TRAPPC8: variants seen among roughly 807,000 people sequenced by gnomAD.
TRAPPC8 encodes general sporulation gene 1 homolog.
A neutral mutation model predicts 174.3 loss-of-function variants in TRAPPC8; 54 were observed. That is an observed-to-expected ratio of 0.31 (90% CI 0.25 to 0.39). The LOEUF (loss-of-function observed/expected upper bound fraction) is 0.39, where lower values mean the gene tolerates loss of function less well. Among genes scored for constraint, TRAPPC8 ranks in the 10% least tolerant of loss-of-function variants. TRAPPC8 has a pLI of 1.00. For missense variants in TRAPPC8, 1,531 were observed against 1,699.1 expected, an observed-to-expected ratio of 0.90 and a Z score of 1.74; for synonymous variants, 630 against 579.9, an observed-to-expected ratio of 1.09 and a Z score of -1.24.
chr18:31,893,380 GGTGTGTGT>G (rs10660521), intron 11 of TRAPPC8, among the ~76,000 whole-genome samples: 3 of 149,738 alleles, frequency 2.0e-5, no homozygotes, highest in South Asian at 2.1e-4. Flanking sequence ...TTTGCTTCTA[GGTGTGTGT>G]GTGTGTGTGT....
At chr18:31,923,984 T>TA (rs1208449345) in intron 2 of TRAPPC8, among the ~76,000 whole-genome samples, 1 of 152,046 alleles carries the variant, frequency 6.6e-6, no homozygotes, top group Non-Finnish European at 1.5e-5. Flanking sequence ...CTGCCTCTAC[T>TA]AAAAAAATAC....
At chr18:31,876,837 T>C (rs935405698) in intron 12 of TRAPPC8, among the ~76,000 whole-genome samples, 4 of 152,034 alleles carry the variant, frequency 2.6e-5, no homozygotes, top group African/African-American at 9.7e-5. Context: ...TTTGAGAACG[T>C]CCCAGGGACA....
chr18:31,931,200 A>T (rs1432257442), intron 2 of TRAPPC8, 129 bp downstream of exon 2: 3 of 772,830 alleles, frequency 3.9e-6, no homozygotes, highest in Middle Eastern at 3.4e-4. Context: ...TGTTTTCAAC[A>T]TTGTATTCTC....
At chr18:31,917,846 T>C (rs2037216287) in intron 2 of TRAPPC8, among the ~76,000 whole-genome samples, 179 bp from the exon 3 acceptor site, 1 of 152,154 alleles carries the variant, frequency 6.6e-6, no homozygotes, top group African/African-American at 2.4e-5. Flanking sequence ...GTATAGGGCC[T>C]GGCACGGTGG....
intron 12 of TRAPPC8, among the ~76,000 whole-genome samples, chr18:31,880,081 G>GGA (rs1491132140): frequency 7.8e-4 from 41 of 52,728 alleles, no homozygotes; most frequent in African/African-American, 3.4e-3. Flanking sequence ...TGAAACTATT[G>GGA]AAAAAAAAAA....
At chr18:31,838,289 CTAGAT>C (rs1266383876) in intron 27 of TRAPPC8, among the ~76,000 whole-genome samples, 1 of 152,162 alleles carries the variant, frequency 6.6e-6, no homozygotes, top group Non-Finnish European at 1.5e-5. Flanking sequence ...CTCTTATCTC[CTAGAT>C]TAATTAGCTA....
chr18:31,889,976 A>AT, intron 12 of TRAPPC8, among the ~76,000 whole-genome samples: 1 of 152,334 alleles, frequency 6.6e-6, no homozygotes, highest in Admixed American at 6.5e-5. Context: ...CATACTTAGT[A>AT]AATTCATATT....
chr18:31,909,307 AGCC>A (rs2145489153), intron 6 of TRAPPC8, among the ~76,000 whole-genome samples: 1 of 152,182 alleles, frequency 6.6e-6, no homozygotes, highest in East Asian at 1.9e-4. Flanking sequence ...AGTACAACTA[AGCC>A]GTAAGAAAAA....
intron 3 of TRAPPC8, 105 bp downstream of exon 3, chr18:31,917,469 AATTT>A: frequency 1.1e-6 from 1 of 933,290 alleles, no homozygotes; most frequent in Non-Finnish European, 1.6e-6. Flanking sequence ...TATAAAAAAT[AATTT>A]ATCTATTCTC....
intron 12 of TRAPPC8, among the ~76,000 whole-genome samples, chr18:31,882,087 T>C (rs953227777): frequency 1.6e-4 from 24 of 152,160 alleles, no homozygotes; most frequent in African/African-American, 5.8e-4. Flanking sequence ...TTCAACCCAG[T>C]AATCCCATTA....
intron 20 of TRAPPC8, 121 bp from the exon 21 acceptor site, chr18:31,855,928 TC>T (rs1472838760): frequency 1.9e-6 from 2 of 1,069,612 alleles, no homozygotes; most frequent in Non-Finnish European, 2.6e-6. Flanking sequence ...ACTCTAAAAA[TC>T]CATAGAATAC....
intron 2 of TRAPPC8, among the ~76,000 whole-genome samples, chr18:31,931,074 C>T (rs539244054): frequency 6.6e-6 from 1 of 152,102 alleles, no homozygotes; most frequent in Non-Finnish European, 1.5e-5. Context: ...TTACTTATGT[C>T]ACAAAAGAAT....
At position 31,830,548 on chromosome 18, in the gene TRAPPC8, C is replaced by T. The variant is rs1269821470; in HGVS notation, c.*207G>A. 1.8e-5 allele frequency: 10 copies of T among 559,016 alleles called. No individual in the cohort carries two copies. The highest frequency in any genetic ancestry group is 2.2e-5 in the Non-Finnish European group (7 of 316,094). The allele number at this position is 559,016 out of a possible 1,614,324, so 34.6% of individuals were successfully genotyped here. ...CTGTATTATGAGCATGTAAATTATTCTCAGGGTTTAAAGAAATACAGAAAA... is the reference window on the plus strand; with the variant it reads ...CTGTATTATGAGCATGTAAATTATTTTCAGGGTTTAAAGAAATACAGAAAA... On this transcript the variant is annotated 3_prime_UTR_variant, in exon 29 of 29. Coordinates refer to ENST00000283351, the MANE Select transcript of TRAPPC8 (RefSeq NM_014939.5).
Position 31,932,854 on chromosome 18 carries a change from C to T in TRAPPC8, c.158-1331G>A, listed in dbSNP as rs551211843. On this transcript the variant is annotated intron_variant, in intron 1 of 28. Transcript: ENST00000283351. Reference sequence around the variant, plus strand: ...AAAAGTAGCCAGGCATGGTGGCGGGCGCCTGTAATCCCAGCTACTGGGGAC... The same window carrying T: ...AAAAGTAGCCAGGCATGGTGGCGGGTGCCTGTAATCCCAGCTACTGGGGAC... 3.0e-3 allele frequency among the ~76,000 whole-genome samples: 448 copies of T among 151,710 alleles called. 1 individual carries two copies. The highest frequency in any genetic ancestry group is 5.1e-3 in the Non-Finnish European group (349 of 67,902).
At chr18:31,936,704 C>T (rs1162748062) in intron 1 of TRAPPC8, among the ~76,000 whole-genome samples, 1 of 149,322 alleles carries the variant, frequency 6.7e-6, no homozygotes, top group Non-Finnish European at 1.5e-5. Context: ...GAGTTCGAGA[C>T]TAGCCTGGCC....
In TRAPPC8 at chr18:31,870,440, A is replaced by G; in HGVS notation, c.2320T>C (p.Leu774=). The change falls in exon 16 of 29, where the codon TTG becomes CTG. Residue 774 remains leucine, a synonymous_variant. Transcript: ENST00000283351. ...PLKVLLLLTD[L]SLLWKFHPKD... The stretch of plus-strand genomic sequence containing the variant: ...GGATGAAACTTCCAAAGCAATGACA[A>G]ATCAGTCAACAAAAGTAGAACTTTC... 1 of 1,613,212 alleles carries G rather than the reference A, an allele frequency of 6.2e-7. No individual in the cohort carries two copies.
Position 31,917,630 on chromosome 18 carries a change from A to G in TRAPPC8, c.390T>C (p.Phe130=), listed in dbSNP as rs761921624. 7.1e-5 allele frequency: 114 copies of G among 1,613,516 alleles called. No homozygotes were observed. Among genetic ancestry groups the G allele is most frequent in the Non-Finnish European group, 9.6e-5 (113 of 1,179,798 alleles). The part of the protein sequence containing the change: ...TPWFESYRET[F]LQSMPALDHE... Reference sequence around the variant, plus strand: ...GATCCAATGCTGGCATCGACTGAAGAAAGGTTTCTCTGTAAGACTCAAACC... The same window carrying G: ...GATCCAATGCTGGCATCGACTGAAGGAAGGTTTCTCTGTAAGACTCAAACC... The change falls in exon 3 of 29, where the codon TTT becomes TTC. Residue 130 remains phenylalanine, a synonymous_variant. Transcript: ENST00000283351.
At chr18:31,901,810 C>A (rs914129078) in intron 9 of TRAPPC8, among the ~76,000 whole-genome samples, 1 of 152,126 alleles carries the variant, frequency 6.6e-6, no homozygotes, top group Non-Finnish European at 1.5e-5. Context: ...CTCCTTTGGG[C>A]GTCTACGTGA....
intron 19 of TRAPPC8, among the ~76,000 whole-genome samples, chr18:31,858,232 A>G (rs1568053437): frequency 2.6e-5 from 3 of 116,036 alleles, no homozygotes; most frequent in South Asian, 3.7e-4. Context: ...ATCAGTACAC[A>G]AGAGGGCTAA....
Sources: allele counts gnomAD v4.1 joint callset (sites outside exome capture counted in the v4.1 genomes callset), GRCh38; gene constraint gnomAD v4.1.1; transcripts MANE v1.5; gene names NCBI Gene and HGNC (gene_info 2026-07-23, HGNC 2026-07-21).